SRC: variants seen among roughly 807,000 people sequenced by gnomAD.
The protein encoded by SRC is SRC proto-oncogene, non-receptor tyrosine kinase.
SRC carries 13 observed loss-of-function variants against 62.9 expected under a neutral mutation model. The observed-to-expected ratio is 0.21, with a 90% CI of 0.13 to 0.33. The LOEUF (loss-of-function observed/expected upper bound fraction) is 0.33, where lower values mean the gene tolerates loss of function less well. Ranked by LOEUF, SRC falls within the 10% of genes least tolerant of loss-of-function variation. The pLI is 1.00. For synonymous variants in SRC, 302 were observed against 317.5 expected (o/e 0.95, Z 0.52); for missense variants, 457 against 737.3 (o/e 0.62, Z 4.40).
chr20:37,371,712 T>C (rs947585947), intron 2 of SRC, among the ~76,000 whole-genome samples: 1 of 152,214 alleles, frequency 6.6e-6, no homozygotes, highest in Non-Finnish European at 1.5e-5. Context: ...ATTTATTTAC[T>C]TATTTTGAGA....
At chr20:37,353,870 T>C (rs1419772455) in intron 1 of SRC, among the ~76,000 whole-genome samples, 1 of 152,212 alleles carries the variant, frequency 6.6e-6, no homozygotes, top group Non-Finnish European at 1.5e-5. Flanking sequence ...CCCCAACTGC[T>C]GTCACCCACT....
intron 1 of SRC, among the ~76,000 whole-genome samples, chr20:37,355,964 G>A (rs1163867569): frequency 6.6e-6 from 1 of 152,092 alleles, no homozygotes; most frequent in Non-Finnish European, 1.5e-5. Context: ...TGAGAGCAGA[G>A]CAGGTTGAGG....
intron 5 of SRC, 106 bp downstream of exon 5, chr20:37,386,280 A>T: frequency 8.7e-7 from 1 of 1,143,708 alleles, no homozygotes; most frequent in Non-Finnish European, 1.3e-6. Flanking sequence ...TGCAGAGCCC[A>T]GGGCAGTGCG....
intron 7 of SRC, among the ~76,000 whole-genome samples, chr20:37,395,167 C>T (rs973976633): frequency 8.5e-5 from 13 of 152,332 alleles, no homozygotes; most frequent in African/African-American, 3.1e-4. Flanking sequence ...GGCTTTGAGT[C>T]CCCGGATGTG....
chr20:37,379,594 C>G (rs2070330376), intron 2 of SRC, among the ~76,000 whole-genome samples: 1 of 151,822 alleles, frequency 6.6e-6, no homozygotes, highest in Non-Finnish European at 1.5e-5. Flanking sequence ...AGTGGTGGCA[C>G]TCACCTGTAA....
intron 5 of SRC, among the ~76,000 whole-genome samples, chr20:37,389,603 A>G (rs1283943316): frequency 1.3e-5 from 2 of 152,088 alleles, no homozygotes; most frequent in Admixed American, 1.3e-4. Context: ...CTCAGCGGCC[A>G]TCCCCAGAGT....
At chr20:37,359,147 TG>T (rs2069928192) in intron 1 of SRC, among the ~76,000 whole-genome samples, 1 of 152,138 alleles carries the variant, frequency 6.6e-6, no homozygotes, top group Non-Finnish European at 1.5e-5. Flanking sequence ...GAGGGCACAG[TG>T]GTGGGGCATA....
chr20:37,356,695 T>C (rs1371994029), intron 1 of SRC, among the ~76,000 whole-genome samples: 1 of 152,164 alleles, frequency 6.6e-6, no homozygotes, highest in Non-Finnish European at 1.5e-5. Context: ...CTCCCTTCCT[T>C]TTTGGGTAAA....
rs1033672101 is a variant in SRC, at chr20:37,369,807, C to CT, written c.-173+4539dup. Among the ~76,000 whole-genome samples the CT allele has an allele frequency of 5.9e-4, 89 of 150,236 alleles. 1 individual carries two copies. Among genetic ancestry groups the CT allele is most frequent in the African/African-American group, 1.8e-3 (73 of 40,936 alleles). ...TTTTTCTTTTCTTTCTTTTCTTTTT[C>CT]TTTTTTTTTAAGATGGGAGTCTCAC... is the stretch of plus-strand genomic sequence containing the variant. On this transcript the variant is annotated intron_variant, in intron 2 of 13. Coordinates refer to ENST00000373578, the MANE Select transcript of SRC (RefSeq NM_198291.3).
In SRC at chr20:37,398,645, G is replaced by A. The variant is rs1324806487; in HGVS notation, c.859+791G>A. Among the ~76,000 whole-genome samples the A allele has an allele frequency of 6.6e-6, 1 of 152,230 alleles. No homozygotes were observed. The highest frequency in any genetic ancestry group is 1.5e-5 in the Non-Finnish European group (1 of 68,030). On this transcript the variant is annotated intron_variant, in intron 9 of 13. Transcript: ENST00000373578. This position sits in a 1 kb window ranked among gnomAD's most constrained non-coding sequence, Gnocchi z 5.2. ...CTGGAGGCTGGAGGTCAGGCTGTCC[G>A]GGAAGGGGAGGCGTGGGCTTTGAGC...
At chr20:37,368,518 C>CTTTTTTTTTTTTTTG (rs2070102489) in intron 2 of SRC, among the ~76,000 whole-genome samples, 3 of 73,898 alleles carry the variant, frequency 4.1e-5, no homozygotes, top group African/African-American at 4.3e-5. Context: ...CCTATATTTT[C>CTTTTTTTTTTTTTTG]TTTTTTTTTT....
In SRC at chr20:37,394,036, A is replaced by G. The variant is rs751608528; in HGVS notation, c.449+43A>G. Reference sequence around the variant, plus strand: ...CTGCCTCTACCCGTCGTCCCTGGACACTGCCGGTGCAGAGTGCCTCTCCTG... The same window carrying G: ...CTGCCTCTACCCGTCGTCCCTGGACGCTGCCGGTGCAGAGTGCCTCTCCTG... On this transcript the variant is annotated intron_variant, in intron 6 of 13. Transcript: ENST00000373578. 2.5e-6 allele frequency: 4 copies of G among 1,592,958 alleles called. No individual in the cohort carries two copies. In the East Asian group the frequency reaches 6.7e-5, roughly 27 times the overall value.
chr20:37,353,524 G>A (rs553037618), intron 1 of SRC, among the ~76,000 whole-genome samples: 2 of 152,170 alleles, frequency 1.3e-5, no homozygotes, highest in Non-Finnish European at 2.9e-5. Context: ...ATGAGCCACC[G>A]TGAGCCCTTG....
rs1305394188 is a variant in SRC, at chr20:37,384,429, C to T, written c.250+26C>T. On this transcript the variant is annotated intron_variant, in intron 4 of 13. Coordinates refer to ENST00000373578, the MANE Select transcript of SRC (RefSeq NM_198291.3). The surrounding 1 kb of genome is among the most constrained non-coding windows in gnomAD (Gnocchi z 6.7). ...GTCAGTGCGCGGGCGGCGCGGGGTC[C>T]TCGCCCACCTGGGGCCACGGCGGGG... 3 of 1,324,390 alleles carry T rather than the reference C, an allele frequency of 2.3e-6. No homozygotes were observed. Among genetic ancestry groups the T allele is most frequent in the Non-Finnish European group, 2.9e-6 (3 of 1,046,318 alleles). The allele number at this position is 1,324,390 out of a possible 1,614,324, so 82.0% of individuals were successfully genotyped here.
At chr20:37,394,822 G>A (rs376778427) in intron 7 of SRC, among the ~76,000 whole-genome samples, 14 of 152,162 alleles carry the variant, frequency 9.2e-5, no homozygotes, top group East Asian at 1.9e-4. Context: ...GGGGCTCAGC[G>A]GGAGATGGGA....
At chr20:37,400,398 G>A (rs2070720261) in intron 10 of SRC, 104 bp downstream of exon 10, 1 of 1,066,256 alleles carries the variant, frequency 9.4e-7, no homozygotes. Flanking sequence ...TTCAAAGGTG[G>A]AATGCAGTAG....
chr20:37,387,847 T>C (rs1473563543), intron 5 of SRC, among the ~76,000 whole-genome samples: 4 of 152,186 alleles, frequency 2.6e-5, no homozygotes, highest in Non-Finnish European at 5.9e-5. Flanking sequence ...TGCTGAGTGC[T>C]TGAAGTTGCG....
At position 37,382,640 on chromosome 20, in the gene SRC, G is replaced by A. The variant is rs999624361; in HGVS notation, c.-151G>A. On this transcript the variant is annotated 5_prime_UTR_variant, in exon 3 of 14. Coordinates refer to ENST00000373578, the MANE Select transcript of SRC (RefSeq NM_198291.3). ...GCAGATGAGGACGCTGAGGCCCAGA[G>A]AGGGAAAGCCACTTGCCTAGGGACA... 6.6e-6 allele frequency: 1 copy of A among 152,328 alleles called. No individual in the cohort carries two copies. The highest frequency in any genetic ancestry group is 2.4e-5 in the African/African-American group (1 of 41,470). 9.4% of individuals were successfully genotyped at this position (152,328 alleles called of 1,614,324 possible). A position where few individuals can be genotyped will look rare whatever the true frequency, so the allele number is the denominator to read the frequency against.
rs949443997 is a variant in SRC, at chr20:37,368,372, C to T, written c.-173+3095C>T. Among the ~76,000 whole-genome samples, 9 of 151,966 alleles carry T rather than the reference C, an allele frequency of 5.9e-5. No homozygotes were observed. In the East Asian group the frequency reaches 1.4e-3, roughly 23 times the overall value. On this transcript the variant is annotated intron_variant, in intron 2 of 13. Coordinates refer to ENST00000373578, the MANE Select transcript of SRC (RefSeq NM_198291.3). ...GGCGGAGGTTGCAGTGAGCTGAGAT[C>T]GCACCATTTTACTTCAGCCTGGGCA...
Sources: allele counts gnomAD v4.1 joint callset (sites outside exome capture counted in the v4.1 genomes callset), GRCh38; gene constraint gnomAD v4.1.1; non-coding constraint Gnocchi (gnomAD v3.1); transcripts MANE v1.5; gene names NCBI Gene and HGNC (gene_info 2026-07-23, HGNC 2026-07-21).